The following ST8SIA4 variants were observed in gnomAD, a reference collection of about 807,000 sequenced individuals.
ST8SIA4 encodes ST8 alpha-N-acetyl-neuraminide alpha-2,8-sialyltransferase 4.
ST8SIA4 carries 15 observed loss-of-function variants against 33.9 expected under a neutral mutation model. The observed-to-expected ratio is 0.44, with a 90% CI of 0.30 to 0.68. The LOEUF (loss-of-function observed/expected upper bound fraction) is 0.68, where lower values mean the gene tolerates loss of function less well. ST8SIA4 is among the 30% of genes least tolerant of loss of function. The pLI is 0.10. For missense variants in ST8SIA4, 321 were observed against 428.0 expected, an observed-to-expected ratio of 0.75 and a Z score of 2.21; for synonymous variants, 171 against 151.2, an observed-to-expected ratio of 1.13 and a Z score of -0.96.
At chr5:100,854,254 G>C (rs548360274) in intron 4 of ST8SIA4, among the ~76,000 whole-genome samples, 2 of 151,748 alleles carry the variant, frequency 1.3e-5, no homozygotes, top group South Asian at 4.2e-4. Context: ...CAACCACCAA[G>C]AGAATGTGTG....
rs527328514 is a variant in ST8SIA4, at chr5:100,854,724, C to G, written c.797+1379G>C. On this transcript the variant is annotated intron_variant, in intron 4 of 4. Transcript: ENST00000231461. Reference sequence around the variant, plus strand: ...TCCTTGCAGGAAATTATCTCAGGAACAAAACAAAAATACCTTAGCCCAGTT... The same window carrying G: ...TCCTTGCAGGAAATTATCTCAGGAAGAAAACAAAAATACCTTAGCCCAGTT... Among the ~76,000 whole-genome samples, 162 of 152,206 alleles carry G rather than the reference C, an allele frequency of 1.1e-3. 1 individual carries two copies. Among genetic ancestry groups the G allele is most frequent in the African/African-American group, 3.9e-3 (160 of 41,552 alleles).
chr5:100,834,993 T>G (rs1751340214), intron 4 of ST8SIA4, among the ~76,000 whole-genome samples: 1 of 152,182 alleles, frequency 6.6e-6, no homozygotes, highest in Admixed American at 6.5e-5. Context: ...TTATTGTTTT[T>G]TTCAAAATGT....
At chr5:100,842,988 T>G (rs1445863772) in intron 4 of ST8SIA4, among the ~76,000 whole-genome samples, 2 of 151,886 alleles carry the variant, frequency 1.3e-5, no homozygotes, top group Non-Finnish European at 2.9e-5. Context: ...TGAACTCAGT[T>G]GCTTGATGCT....
intron 2 of ST8SIA4, among the ~76,000 whole-genome samples, chr5:100,889,874 A>G (rs992496551): frequency 3.9e-5 from 6 of 151,904 alleles, no homozygotes; most frequent in African/African-American, 1.4e-4. Flanking sequence ...AGTAAAAGTG[A>G]TTTCAAAACA....
intron 2 of ST8SIA4, 81 bp from the exon 3 acceptor site, chr5:100,886,681 A>G (rs1752545316): frequency 4.2e-6 from 5 of 1,189,430 alleles, no homozygotes; most frequent in Non-Finnish European, 2.4e-6. Context: ...AAGTAACTTA[A>G]GACAAAATAC....
At chr5:100,889,871 G>A (rs960202992) in intron 2 of ST8SIA4, among the ~76,000 whole-genome samples, 1 of 151,810 alleles carries the variant, frequency 6.6e-6, no homozygotes, top group Non-Finnish European at 1.5e-5. Context: ...AATAGTAAAA[G>A]TGATTTCAAA....
chr5:100,865,925 A>G (rs1277079241), intron 3 of ST8SIA4, among the ~76,000 whole-genome samples: 1 of 152,268 alleles, frequency 6.6e-6, no homozygotes, highest in African/African-American at 2.4e-5. Flanking sequence ...ATGCACATTT[A>G]CTAATTATGA....
intron 2 of ST8SIA4, among the ~76,000 whole-genome samples, chr5:100,891,963 A>G (rs1470010003): frequency 6.6e-6 from 1 of 152,060 alleles, no homozygotes; most frequent in Admixed American, 6.6e-5. Flanking sequence ...TTTTCTTGTC[A>G]GTTAAGCATA....
intron 4 of ST8SIA4, among the ~76,000 whole-genome samples, chr5:100,833,641 GTAA>G (rs553121464): frequency 8.0e-4 from 122 of 152,230 alleles, no homozygotes; most frequent in South Asian, 4.1e-3. Context: ...AAAATCACTT[GTAA>G]TAATGATTGG....
chr5:100,818,548 T>C (rs754721257), intron 4 of ST8SIA4, among the ~76,000 whole-genome samples: 8 of 152,300 alleles, frequency 5.3e-5, no homozygotes, highest in Non-Finnish European at 1.0e-4. Context: ...CCATGCAGAA[T>C]TGCATGATGC....
chr5:100,880,960 C>T (rs1561404369), intron 3 of ST8SIA4, among the ~76,000 whole-genome samples: 3 of 152,146 alleles, frequency 2.0e-5, no homozygotes. Flanking sequence ...ACATAAAACA[C>T]ATATATCTAC....
At chr5:100,843,438 T>A (rs1161424112) in intron 4 of ST8SIA4, among the ~76,000 whole-genome samples, 1 of 151,902 alleles carries the variant, frequency 6.6e-6, no homozygotes, top group Non-Finnish European at 1.5e-5. Flanking sequence ...CACTGGAAGA[T>A]GGTTTGGAGG....
At chr5:100,883,366 G>A (rs1447009832) in intron 3 of ST8SIA4, among the ~76,000 whole-genome samples, 5 of 152,292 alleles carry the variant, frequency 3.3e-5, no homozygotes, top group Admixed American at 2.0e-4. Flanking sequence ...CCCAATAACT[G>A]TACTCCCATT....
intron 4 of ST8SIA4, among the ~76,000 whole-genome samples, chr5:100,839,657 C>T (rs565748774): frequency 1.3e-5 from 2 of 152,016 alleles, no homozygotes; most frequent in East Asian, 3.9e-4. Context: ...AAATAGAAAG[C>T]ACTCACTTTC....
chr5:100,874,429 C>T (rs531858216), intron 3 of ST8SIA4, among the ~76,000 whole-genome samples: 5 of 152,236 alleles, frequency 3.3e-5, no homozygotes, highest in African/African-American at 1.2e-4. Flanking sequence ...TGATTGGACT[C>T]TTGGACTATA....
rs958337895 is a variant in ST8SIA4 at position 100,885,829 on chromosome 5, C to T, written c.503+514G>A. ...CATAAAATTCAAATATACTAACATA[C>T]ACAAATACCACATATAAAGAGAAAT... On this transcript the variant is annotated intron_variant, in intron 3 of 4. Transcript: ENST00000231461. 24 of 871,932 alleles carry T rather than the reference C, an allele frequency of 2.8e-5. No homozygotes were observed. In the African/African-American group the frequency reaches 3.5e-4, roughly 13 times the overall value. 54.0% of individuals were successfully genotyped at this position (871,932 alleles called of 1,614,324 possible). A position where few individuals can be genotyped will look rare whatever the true frequency, so the allele number is the denominator to read the frequency against.
At chr5:100,834,329 G>A (rs1751320845) in intron 4 of ST8SIA4, among the ~76,000 whole-genome samples, 1 of 152,004 alleles carries the variant, frequency 6.6e-6, no homozygotes, top group African/African-American at 2.4e-5. Context: ...TAAATATTAA[G>A]CACAGTTATC....
intron 4 of ST8SIA4, among the ~76,000 whole-genome samples, chr5:100,851,536 A>G (rs1751698350): frequency 6.6e-6 from 1 of 152,136 alleles, no homozygotes; most frequent in African/African-American, 2.4e-5. Context: ...TGTGTTGTTG[A>G]GAAAATGTCA....
At chr5:100,880,724 G>A (rs150956111) in intron 3 of ST8SIA4, among the ~76,000 whole-genome samples, 1,833 of 152,248 alleles carry the variant, frequency 0.012, 40 homozygotes, top group African/African-American at 0.042. Flanking sequence ...TGGATGTCAT[G>A]AGAAATCATT....
Sources: gnomAD v4.1 joint callset for allele counts (sites outside exome capture counted in the v4.1 genomes callset) on GRCh38, gnomAD v4.1.1 for gene constraint, MANE v1.5 for transcripts, NCBI Gene and HGNC (gene_info 2026-07-23, HGNC 2026-07-21) for gene names.